The following ASAH1 variants were observed in gnomAD, a reference collection of about 807,000 sequenced individuals.
The protein encoded by ASAH1 is acid ceramidase.
In ASAH1, 70 loss-of-function variants were observed where a neutral mutation model predicts 59.5. The observed-to-expected ratio is 1.18, with a 90% CI of 0.97 to 1.43. The LOEUF is 1.43. ASAH1 is among the 40% of genes most tolerant of loss of function. The pLI is 0.00. For synonymous variants in ASAH1, 213 were observed against 166.5 expected (o/e 1.28, Z -2.15); for missense variants, 660 against 482.5 (o/e 1.37, Z -3.45).
At chr8:18,076,724 G>T (rs1179235511) in intron 1 of ASAH1, 1 of 152,218 alleles carries the variant, frequency 6.6e-6, no homozygotes, top group Non-Finnish European at 1.5e-5. Flanking sequence ...TCCTGGAACT[G>T]TAGCTTGAGC....
rs770772909 is a variant in ASAH1, at chr8:18,057,569, G to A, written c.1153C>T (p.Leu385=). The A allele has an allele frequency of 4.4e-6, 7 of 1,604,474 alleles. No homozygotes were observed. The East Asian group carries it at 9.0e-5, about 21-fold the overall frequency. The change falls in exon 14 of 14, where the codon CTG becomes TTG. Residue 385 remains leucine (L), a synonymous_variant. Transcript: ENST00000637790. Reference sequence around the variant, plus strand: ...ATACAAGGGTCAGGGCAGTCCCGCAGGTAAGTTTCGAATTGACCTTTGGTA... The same window carrying A: ...ATACAAGGGTCAGGGCAGTCCCGCAAGTAAGTTTCGAATTGACCTTTGGTA... The part of the protein sequence containing the change: ...DVTKGQFETY[L]RDCPDPCIGW
upstream of ASAH1, chr8:18,084,900 T>C: frequency 6.6e-7 from 1 of 1,524,952 alleles, no homozygotes; most frequent in Non-Finnish European, 8.9e-7. Context: ...GCAGGGGGAC[T>C]CGCTTGGCTT....
At chr8:18,067,144 TG>T in intron 5 of ASAH1, 75 bp downstream of exon 5, 1 of 1,223,786 alleles carries the variant, frequency 8.2e-7, no homozygotes, top group South Asian at 1.4e-5. Flanking sequence ...CTGTGCTGTA[TG>T]TATATCACAC....
chr8:18,077,419 C>T (rs1241625338), intron 1 of ASAH1, among the ~76,000 whole-genome samples: 2 of 152,206 alleles, frequency 1.3e-5, no homozygotes, highest in African/African-American at 4.8e-5. Context: ...CCAGGTTATA[C>T]TCAATCATTA....
At chr8:18,070,499 G>C (rs1401823194) in intron 3 of ASAH1, among the ~76,000 whole-genome samples, 17 of 151,834 alleles carry the variant, frequency 1.1e-4, no homozygotes, top group Non-Finnish European at 2.5e-4. Context: ...GGCCAGGCTG[G>C]TCTTGAACTT....
At chr8:18,070,797 T>C (rs1800138384) in intron 3 of ASAH1, among the ~76,000 whole-genome samples, 1 of 152,210 alleles carries the variant, frequency 6.6e-6, no homozygotes, top group African/African-American at 2.4e-5. Flanking sequence ...TTTTAAACTA[T>C]TCTGTGGGTA....
chr8:18,079,289 C>A (rs1024360), intron 1 of ASAH1, among the ~76,000 whole-genome samples: 65,109 of 137,634 alleles, frequency 0.47, 16,045 homozygotes, highest in Non-Finnish European at 0.53. Context: ...AAAAAAAAAA[C>A]AAAAAACTCT....
intron 3 of ASAH1, 25 bp downstream of exon 3, chr8:18,071,275 A>G (rs1400053013): frequency 3.4e-6 from 4 of 1,186,182 alleles, no homozygotes; most frequent in East Asian, 2.7e-5. Flanking sequence ...ATAAAGAAAT[A>G]AAAGATTTAA....
intron 1 of ASAH1, chr8:18,076,821 T>G (rs1245738112): frequency 6.6e-6 from 1 of 152,242 alleles, no homozygotes; most frequent in African/African-American, 2.4e-5. Context: ...CACCTTGTTT[T>G]AACTTTTGAT....
chr8:18,083,839 C>T, intron 1 of ASAH1, 142 bp downstream of exon 1: 1 of 1,495,886 alleles, frequency 6.7e-7, no homozygotes, highest in Middle Eastern at 1.7e-4. Context: ...ACCCACACCC[C>T]TGTGCACGAA....
intron 2 of ASAH1, among the ~76,000 whole-genome samples, chr8:18,074,934 A>G (rs946850749): frequency 6.6e-6 from 1 of 152,008 alleles, no homozygotes; most frequent in Non-Finnish European, 1.5e-5. Flanking sequence ...CAGCCCTTAC[A>G]TTTGTCAAAG....
At chr8:18,084,802 T>G, upstream of ASAH1, 1 of 1,613,284 alleles carries the variant, frequency 6.2e-7, no homozygotes, top group Non-Finnish European at 8.5e-7. Flanking sequence ...AGCAGTTCAT[T>G]AAGCGGCTGT....
chr8:18,079,019 G>T (rs1361539410), intron 1 of ASAH1, among the ~76,000 whole-genome samples: 2 of 152,170 alleles, frequency 1.3e-5, no homozygotes, highest in African/African-American at 2.4e-5. Context: ...GCTCATGCCT[G>T]TAATTCCAGC....
intron 4 of ASAH1, chr8:18,068,421 AAGTCCGG>A (rs1350269861): frequency 6.6e-6 from 1 of 152,328 alleles, no homozygotes; most frequent in Non-Finnish European, 1.5e-5. Context: ...TGTTTTGAGG[AAGTCCGG>A]TAAGTATGAA....
intron 5 of ASAH1, 84 bp downstream of exon 5, chr8:18,067,126 TACAGCACCTG>T: frequency 1.1e-5 from 6 of 559,696 alleles, no homozygotes; most frequent in Non-Finnish European, 1.2e-5. Flanking sequence ...ATCTAAGACA[TACAGCACCTG>T]TGCTGTATGT....
intron 5 of ASAH1, chr8:18,065,241 A>C (rs1799880843): frequency 1.3e-5 from 2 of 151,786 alleles, no homozygotes; most frequent in African/African-American, 2.4e-5. Flanking sequence ...CTTATACATC[A>C]TGTTATTCTT....
intron 5 of ASAH1, 71 bp downstream of exon 5, chr8:18,067,149 A>ACAGCACCTT: frequency 7.3e-7 from 1 of 1,376,968 alleles, no homozygotes. Context: ...CTGTATGTAT[A>ACAGCACCTT]TCACACCTCA....
intron 1 of ASAH1, among the ~76,000 whole-genome samples, chr8:18,080,344 C>T (rs549729717): frequency 2.6e-5 from 4 of 152,282 alleles, no homozygotes; most frequent in East Asian, 1.9e-4. Context: ...AGATTTATTA[C>T]GCAGAGCAGC....
At chr8:18,062,487 T>G in intron 7 of ASAH1, 64 bp from the exon 8 acceptor site, 1 of 1,575,232 alleles carries the variant, frequency 6.3e-7, no homozygotes. Flanking sequence ...AACATGATGA[T>G]GAGGGCCAGG....
Sources: gnomAD v4.1 joint callset for allele counts (sites outside exome capture counted in the v4.1 genomes callset) on GRCh38, gnomAD v4.1.1 for gene constraint, MANE v1.5 for transcripts, NCBI Gene and HGNC (gene_info 2026-07-23, HGNC 2026-07-21) for gene names.